OR2L13: variants seen among roughly 807,000 people sequenced by gnomAD.
OR2L13 encodes the protein olfactory receptor 2L13.
OR2L13 carries 14 observed loss-of-function variants against 15.3 expected under a neutral mutation model. The observed-to-expected ratio is 0.91, with a 90% CI of 0.60 to 1.43. The LOEUF (loss-of-function observed/expected upper bound fraction) is 1.43. OR2L13 is among the 40% of genes most tolerant of loss of function. The pLI, the probability that OR2L13 is intolerant of heterozygous loss-of-function variation, is 0.00. For synonymous variants in OR2L13, 152 were observed against 142.9 expected (o/e 1.06, Z -0.45); for missense variants, 367 against 387.9 (o/e 0.95, Z 0.45).
the OR2L13 span, among the ~76,000 whole-genome samples, chr1:247,945,854 T>A: frequency 6.6e-6 from 1 of 152,282 alleles, no homozygotes; most frequent in East Asian, 1.9e-4. Context: ...CTTGGTAAAT[T>A]TTCCTCTATC....
the OR2L13 span, among the ~76,000 whole-genome samples, chr1:248,031,055 A>G: frequency 6.6e-6 from 1 of 152,216 alleles, no homozygotes; most frequent in Non-Finnish European, 1.5e-5. Flanking sequence ...AAATAGGCTT[A>G]AAATATTTGT....
At chr1:248,028,169 A>AAAAAAAAAG in the OR2L13 span, among the ~76,000 whole-genome samples, 1 of 146,332 alleles carries the variant, frequency 6.8e-6, no homozygotes, top group African/African-American at 2.5e-5. Context: ...AAAAAAAAAA[A>AAAAAAAAAG]TCATGTCCAA....
chr1:247,985,518 A>T, the OR2L13 span, among the ~76,000 whole-genome samples: 1 of 152,208 alleles, frequency 6.6e-6, no homozygotes, highest in Non-Finnish European at 1.5e-5. Flanking sequence ...ATTGTTGGAC[A>T]TTTGGATTGG....
At chr1:248,082,954 T>C in the OR2L13 span, among the ~76,000 whole-genome samples, 2 of 152,176 alleles carry the variant, frequency 1.3e-5, no homozygotes, top group African/African-American at 4.8e-5. Flanking sequence ...TAAAGCAATT[T>C]TCCAATGTGA....
At chr1:247,945,247 C>G in the OR2L13 span, among the ~76,000 whole-genome samples, 3 of 152,060 alleles carry the variant, frequency 2.0e-5, no homozygotes, top group Admixed American at 6.6e-5. Flanking sequence ...TTGATTTCTG[C>G]CTTAATTTCA....
chr1:247,968,695 T>C, the OR2L13 span, among the ~76,000 whole-genome samples: 2 of 152,162 alleles, frequency 1.3e-5, no homozygotes, highest in Non-Finnish European at 2.9e-5. Flanking sequence ...TATGGCTGCA[T>C]AGTATTCCAT....
the OR2L13 span, among the ~76,000 whole-genome samples, chr1:248,075,997 C>A: frequency 2.6e-5 from 4 of 152,272 alleles, no homozygotes; most frequent in African/African-American, 7.2e-5. Context: ...ACATTTAAGT[C>A]TTTAATCCAT....
the OR2L13 span, among the ~76,000 whole-genome samples, chr1:247,984,984 A>G: frequency 6.6e-6 from 1 of 152,002 alleles, no homozygotes; most frequent in Non-Finnish European, 1.5e-5. Context: ...TTCATACAAT[A>G]TTTGCCTCTT....
the OR2L13 span, among the ~76,000 whole-genome samples, chr1:247,977,366 C>A: frequency 6.6e-6 from 1 of 152,108 alleles, no homozygotes; most frequent in African/African-American, 2.4e-5. Flanking sequence ...TATATTAAAT[C>A]TCTTGATTCA....
chr1:247,949,526 T>C, the OR2L13 span: 2 of 1,613,992 alleles, frequency 1.2e-6, no homozygotes, highest in Non-Finnish European at 1.7e-6. Flanking sequence ...TTCTCTTTGC[T>C]GTCTACCACA....
At chr1:247,969,363 T>A in the OR2L13 span, among the ~76,000 whole-genome samples, 2 of 152,220 alleles carry the variant, frequency 1.3e-5, no homozygotes, top group Admixed American at 6.5e-5. Context: ...ATCCCATTTG[T>A]CAATTTTGGC....
the OR2L13 span, chr1:247,980,788 C>A: frequency 6.6e-6 from 1 of 152,140 alleles, no homozygotes; most frequent in African/African-American, 2.4e-5. Flanking sequence ...TCTAAAATCT[C>A]AAGTGTAGGG....
the OR2L13 span, among the ~76,000 whole-genome samples, chr1:248,074,644 A>C: frequency 6.6e-6 from 1 of 152,170 alleles, no homozygotes. Context: ...AGAAGGACAC[A>C]TGCATGGTAA....
At chr1:247,958,440 C>T in the OR2L13 span, among the ~76,000 whole-genome samples, 151 of 152,138 alleles carry the variant, frequency 9.9e-4, 1 homozygote, top group African/African-American at 2.9e-3. Context: ...TGGAGAGTTC[C>T]GTAGATGTCT....
chr1:248,006,058 G>A, the OR2L13 span, among the ~76,000 whole-genome samples: 1 of 152,098 alleles, frequency 6.6e-6, no homozygotes, highest in African/African-American at 2.4e-5. Context: ...GGAGCAGAGG[G>A]AAAATAGGCC....
At chr1:248,005,563 G>T in the OR2L13 span, among the ~76,000 whole-genome samples, 3 of 152,066 alleles carry the variant, frequency 2.0e-5, no homozygotes, top group Non-Finnish European at 4.4e-5. Context: ...TCGTAGAATG[G>T]TTTTTACTAT....
chr1:247,949,546 C>T, the OR2L13 span: 37 of 1,613,922 alleles, frequency 2.3e-5, no homozygotes, highest in South Asian at 3.8e-4. Context: ...ATGAAATCTG[C>T]AGAAGGGAGG....
At chr1:247,993,783 G>GAC in the OR2L13 span, among the ~76,000 whole-genome samples, 1 of 143,746 alleles carries the variant, frequency 7.0e-6, no homozygotes, top group Non-Finnish European at 1.5e-5. Context: ...GAGAGAGAGA[G>GAC]AGAGAGAGAG....
chr1:247,966,489 C>T, the OR2L13 span: 127 of 720,360 alleles, frequency 1.8e-4, no homozygotes, highest in Admixed American at 5.6e-4. Context: ...ATCTGTGTTC[C>T]CCTGGCATTT....
Sources: allele counts gnomAD v4.1 joint callset (sites outside exome capture counted in the v4.1 genomes callset), GRCh38; gene constraint gnomAD v4.1.1; transcripts MANE v1.5; gene names NCBI Gene and HGNC (gene_info 2026-07-23, HGNC 2026-07-21).